Variants in CSPP1 observed in about 807,000 individuals in gnomAD.
The protein encoded by CSPP1 is centrosome and spindle pole associated protein 1, also known as centrosome and spindle pole-associated protein 1.
CSPP1 carries 126 observed loss-of-function variants against 164.4 expected under a neutral mutation model. The observed-to-expected ratio is 0.77, with a 90% CI of 0.66 to 0.89. The LOEUF (loss-of-function observed/expected upper bound fraction) is 0.89, where lower values mean the gene tolerates loss of function less well. Ranked by LOEUF, CSPP1 falls within the 40% of genes least tolerant of loss-of-function variation. CSPP1 has a pLI of 0.00. For synonymous variants in CSPP1, 472 were observed against 476.7 expected, an observed-to-expected ratio of 0.99 and a Z score of 0.13; for missense variants, 1,395 against 1,449.8, an observed-to-expected ratio of 0.96 and a Z score of 0.61.
rs1028267872 is a variant in CSPP1, at chr8:67,193,665, C to T, written c.3469+63C>T. 8.4e-6 allele frequency: 12 copies of T among 1,434,860 alleles called. No individual in the cohort carries two copies. In the African/African-American group the frequency reaches 1.4e-4, roughly 17 times the overall value. The allele number at this position is 1,434,860 out of a possible 1,614,324, so 88.9% of individuals were successfully genotyped here. ...GTATGAACTTTTAAACTTTCTTACT[C>T]AAGGCTTTCACTAACGTCTGAGGGA... On this transcript the variant is annotated intron_variant, in intron 30 of 30. Transcript: ENST00000678616.
intron 2 of CSPP1, 44 bp downstream of exon 2, chr8:67,074,395 C>G: frequency 8.4e-7 from 1 of 1,195,410 alleles, no homozygotes; most frequent in Non-Finnish European, 1.2e-6. Context: ...TTATAATTGT[C>G]TATGGAGATT....
At chr8:67,149,671 C>T in intron 17 of CSPP1, 112 bp from the exon 18 acceptor site, 1 of 668,002 alleles carries the variant, frequency 1.5e-6, no homozygotes, top group Non-Finnish European at 2.3e-6. Flanking sequence ...GAATTATTCC[C>T]AACTTTGTCC....
At chr8:67,087,534 G>A (rs1810661672) in intron 4 of CSPP1, among the ~76,000 whole-genome samples, 1 of 152,134 alleles carries the variant, frequency 6.6e-6, no homozygotes, top group Admixed American at 6.5e-5. Flanking sequence ...TTTCTATTTT[G>A]TGAGGCAATC....
intron 28 of CSPP1, among the ~76,000 whole-genome samples, chr8:67,185,881 A>G (rs1479108296): frequency 6.6e-6 from 1 of 152,214 alleles, no homozygotes; most frequent in Non-Finnish European, 1.5e-5. Context: ...CACCAAGATC[A>G]AAAGGACAAG....
At chr8:67,190,019 G>C (rs1835778805) in intron 28 of CSPP1, among the ~76,000 whole-genome samples, 1 of 152,166 alleles carries the variant, frequency 6.6e-6, no homozygotes, top group African/African-American at 2.4e-5. Flanking sequence ...AAACAGGTTG[G>C]TAGTTCCTCA....
chr8:67,072,371 A>T (rs1347464822), intron 1 of CSPP1, among the ~76,000 whole-genome samples: 1 of 152,220 alleles, frequency 6.6e-6, no homozygotes. Context: ...GATAAAAATT[A>T]TAAACTTTCA....
At chr8:67,194,000 T>A (rs1837161676) in intron 30 of CSPP1, among the ~76,000 whole-genome samples, 1 of 152,196 alleles carries the variant, frequency 6.6e-6, no homozygotes, top group East Asian at 1.9e-4. Context: ...ACAAAGAAAA[T>A]TTTTACCTTC....
At chr8:67,065,646 T>G (rs1278442607) in intron 1 of CSPP1, 1 of 335,416 alleles carries the variant, frequency 3.0e-6, no homozygotes, top group Non-Finnish European at 4.2e-6. Context: ...TGTTTGTTTG[T>G]TTTGTTTTGT....
At chr8:67,126,144 T>C (rs934402459) in intron 15 of CSPP1, among the ~76,000 whole-genome samples, 29 of 152,200 alleles carry the variant, frequency 1.9e-4, no homozygotes, top group African/African-American at 6.5e-4. Flanking sequence ...TTTATTTCTT[T>C]AGATACATAT....
In CSPP1 at chr8:67,074,361, A is replaced by G; in HGVS notation, c.99+10A>G. The G allele has an allele frequency of 6.6e-7, 1 of 1,523,086 alleles. No homozygotes were observed. Among genetic ancestry groups the G allele is most frequent in the Non-Finnish European group, 9.0e-7 (1 of 1,109,322 alleles). The allele number at this position is 1,523,086 out of a possible 1,614,324, so 94.3% of individuals were successfully genotyped here. On this transcript the variant is annotated intron_variant, in intron 2 of 30. Coordinates refer to ENST00000678616, the MANE Select transcript of CSPP1 (RefSeq NM_001382391.1). ...TTACATGGAAATGAAGGTAAATTTA[A>G]TAATTTTCTTTGAACATGTTTTATT...
At chr8:67,152,478 C>A (rs1825899336) in intron 18 of CSPP1, among the ~76,000 whole-genome samples, 1 of 152,284 alleles carries the variant, frequency 6.6e-6, no homozygotes, top group East Asian at 1.9e-4. Context: ...GGCTTATTAT[C>A]ATGCCAAGAT....
intron 7 of CSPP1, among the ~76,000 whole-genome samples, chr8:67,099,127 CT>C (rs571183532): frequency 3.9e-4 from 57 of 147,768 alleles, no homozygotes; most frequent in African/African-American, 8.4e-4. Context: ...TTTAAAATAC[CT>C]TTTTTTTTTA....
chr8:67,152,522 T>A (rs1289478716), intron 18 of CSPP1, among the ~76,000 whole-genome samples: 1 of 152,246 alleles, frequency 6.6e-6, no homozygotes, highest in African/African-American at 2.4e-5. Context: ...AGCAAGTGTT[T>A]CCCTATGATT....
intron 28 of CSPP1, among the ~76,000 whole-genome samples, chr8:67,184,175 T>G (rs1833788925): frequency 6.6e-6 from 1 of 152,120 alleles, no homozygotes; most frequent in Non-Finnish European, 1.5e-5. Context: ...ATTTTTAAGG[T>G]GCTTAAATTT....
At chr8:67,126,854 T>G (rs2129553147) in intron 15 of CSPP1, among the ~76,000 whole-genome samples, 2 of 152,258 alleles carry the variant, frequency 1.3e-5, no homozygotes, top group South Asian at 4.1e-4. Context: ...TTACTGCTGA[T>G]TGTTTTCTAC....
chr8:67,105,851 CT>C, intron 8 of CSPP1, 53 bp from the exon 9 acceptor site: 1 of 1,038,014 alleles, frequency 9.6e-7, no homozygotes, highest in Non-Finnish European at 1.5e-6. Context: ...ATTTTGCTTC[CT>C]GAAAATTATC....
chr8:67,175,652 G>A (rs1831442708), intron 26 of CSPP1: 1 of 669,516 alleles, frequency 1.5e-6, no homozygotes, highest in East Asian at 2.9e-5. Flanking sequence ...CATGAGAGGG[G>A]CCCAGTCATT....
Position 67,064,408 on chromosome 8 carries a change from C to T in CSPP1, c.-141C>T, listed in dbSNP as rs1440293993. ...GGCCCGGAGGTCTGTCATGCTGTTC[C>T]CGCTCCAGGTGGCCGCTGTAACCTC... On this transcript the variant is annotated 5_prime_UTR_variant, in exon 1 of 31. Coordinates refer to ENST00000678616, the MANE Select transcript of CSPP1 (RefSeq NM_001382391.1). The T allele has an allele frequency of 2.5e-6, 4 of 1,613,598 alleles. No individual in the cohort carries two copies. Among genetic ancestry groups the T allele is most frequent in the African/African-American group, 1.3e-5 (1 of 74,920 alleles).
chr8:67,094,052 A>T (rs1812172675), intron 6 of CSPP1, among the ~76,000 whole-genome samples: 1 of 129,998 alleles, frequency 7.7e-6, no homozygotes, highest in Non-Finnish European at 1.6e-5. Context: ...CCTGGGAGGC[A>T]GAGGTTGCAG....
Sources: allele counts gnomAD v4.1 joint callset (sites outside exome capture counted in the v4.1 genomes callset), GRCh38; gene constraint gnomAD v4.1.1; transcripts MANE v1.5; gene names NCBI Gene and HGNC (gene_info 2026-07-23, HGNC 2026-07-21).